Variants in PFKL observed in about 807,000 individuals in gnomAD.
PFKL encodes phosphofructokinase, liver type.
A neutral mutation model predicts 92.1 loss-of-function variants in PFKL; 74 were observed. The observed-to-expected ratio is 0.80, with a 90% CI of 0.67 to 0.97. The LOEUF is 0.97. Ranked by LOEUF, PFKL falls within the 50% of genes least tolerant of loss-of-function variation. The pLI, the probability that PFKL is intolerant of heterozygous loss-of-function variation, is 0.00. For synonymous variants in PFKL, 494 were observed against 456.4 expected, an observed-to-expected ratio of 1.08 and a Z score of -1.05; for missense variants, 1,028 against 1,116.6, an observed-to-expected ratio of 0.92 and a Z score of 1.13.
intron 1 of PFKL, chr21:44,305,172 C>T (rs55730776): frequency 0.34 from 378,403 of 1,122,828 alleles, 66,057 homozygotes; most frequent in East Asian, 0.59. Flanking sequence ...TCTGGGATCT[C>T]ATTGGATTCC....
In PFKL at chr21:44,324,649, C is replaced by T; in HGVS notation, c.1809C>T (p.Asp603=). 6.3e-7 allele frequency: 1 copy of T among 1,588,848 alleles called. No individual in the cohort carries two copies. Among genetic ancestry groups the T allele is most frequent in the Non-Finnish European group, 8.6e-7 (1 of 1,165,878 alleles). The change falls in exon 17 of 22, where the codon GAC becomes GAT. Residue 603 remains aspartate, a synonymous_variant. Coordinates refer to ENST00000349048, the MANE Select transcript of PFKL (RefSeq NM_002626.6). ...YVFEDPFNIH[D]LKVNVEHMTE... is the part of the protein sequence containing the mutation. ...TCGAGGACCCTTTCAACATCCACGA[C>T]TTAAAGGTGAGCCCAGCCCAGCCCC...
intron 9 of PFKL, among the ~76,000 whole-genome samples, chr21:44,317,923 T>C (rs945090144): frequency 1.3e-5 from 2 of 152,258 alleles, no homozygotes; most frequent in Admixed American, 6.5e-5. Context: ...TCTACAGGGC[T>C]GGCCACTGGT....
intron 1 of PFKL, among the ~76,000 whole-genome samples, chr21:44,305,627 C>T (rs887030612): frequency 6.6e-6 from 1 of 152,176 alleles, no homozygotes; most frequent in Admixed American, 6.5e-5. Context: ...CAGAAGGGGA[C>T]CCTGGCCGCT....
intron 19 of PFKL, chr21:44,325,704 G>A (rs934460503): frequency 5.6e-6 from 3 of 535,886 alleles, no homozygotes; most frequent in Non-Finnish European, 1.0e-5. Context: ...TGCCGATGCA[G>A]GGCCCAGGAG....
chr21:44,304,248 A>G (rs1285053578), intron 1 of PFKL: 1 of 1,289,106 alleles, frequency 7.8e-7, no homozygotes, highest in Admixed American at 2.3e-5. Context: ...CTGACCCCTG[A>G]TCCTGGGGCC....
At chr21:44,305,051 T>C in intron 1 of PFKL, 1 of 348,294 alleles carries the variant, frequency 2.9e-6, no homozygotes, top group Non-Finnish European at 5.6e-6. Flanking sequence ...CCCTGTTGGA[T>C]CCCCTGGCTG....
At position 44,306,346 on chromosome 21, in the gene PFKL, G is replaced by A. The variant is rs538276447; in HGVS notation, c.86-335G>A. Among the ~76,000 whole-genome samples the A allele has an allele frequency of 3.9e-5, 6 of 152,284 alleles. No individual in the cohort carries two copies. The South Asian group carries it at 6.2e-4, about 16-fold the overall frequency. On this transcript the variant is annotated intron_variant, in intron 1 of 21. Transcript: ENST00000349048. ...TCTGGGCACCATACTCCAGGTGCTC[G>A]GAAGCTGAAGCCTAGAGCCTGCTGG... is the stretch of plus-strand genomic sequence containing the variant.
intron 1 of PFKL, chr21:44,305,653 C>T (rs1209304906): frequency 1.4e-5 from 12 of 875,572 alleles, no homozygotes; most frequent in Non-Finnish European, 1.7e-5. Flanking sequence ...GGGTTTCCTC[C>T]TCTCTGAAGA....
chr21:44,325,677 G>A (rs1017947727), intron 19 of PFKL: 63 of 518,544 alleles, frequency 1.2e-4, no homozygotes, highest in East Asian at 1.0e-3. Flanking sequence ...GATGGGGCCC[G>A]AGGTGGGGCC....
In PFKL at chr21:44,321,762, GC is replaced by G; in HGVS notation, c.1229del (p.Pro410ArgfsTer5). ...NFSLAILNVGAPAAGMNAAVR... is the reference protein window; with the variant it reads ...NFSLAILNVGXPAAGMNAAVR... Reference sequence around the variant, plus strand: ...CTCCCTGGCCATCCTGAATGTGGGGGCCCCGGCGGCTGGCATGAATGCGGCC... The same window carrying G: ...CTCCCTGGCCATCCTGAATGTGGGGGCCCGGCGGCTGGCATGAATGCGGCC... On this transcript the variant is annotated frameshift_variant, in exon 13 of 22. Coordinates refer to ENST00000349048, the MANE Select transcript of PFKL (RefSeq NM_002626.6). LOFTEE classifies it high-confidence loss of function. 4 of 1,592,364 alleles carry G rather than the reference GC, an allele frequency of 2.5e-6. No individual in the cohort carries two copies. The highest frequency in any genetic ancestry group is 1.8e-5 in the Admixed American group (1 of 56,166).
chr21:44,301,495 G>A (rs2040774154), intron 1 of PFKL, among the ~76,000 whole-genome samples: 1 of 152,214 alleles, frequency 6.6e-6, no homozygotes. Flanking sequence ...AATAACCTGT[G>A]CAAAGGTAGC....
chr21:44,315,424 G>C (rs1254674305), intron 7 of PFKL: 1 of 152,456 alleles, frequency 6.6e-6, no homozygotes, highest in Non-Finnish European at 1.5e-5. Context: ...CCCATCTTCC[G>C]GGTGTCTGAC....
At chr21:44,313,715 C>T (rs2047120860) in intron 6 of PFKL, 33 bp downstream of exon 6, 4 of 1,598,434 alleles carry the variant, frequency 2.5e-6, no homozygotes, top group South Asian at 1.1e-5. Context: ...GCTGGGTGGC[C>T]CGGGTGCTGC....
intron 1 of PFKL, among the ~76,000 whole-genome samples, chr21:44,300,724 T>C (rs1568936879): frequency 7.7e-6 from 1 of 130,626 alleles, no homozygotes; most frequent in South Asian, 2.3e-4. Flanking sequence ...GGTGGGGAGA[T>C]GGGCTGCCCG....
At chr21:44,323,448 G>A (rs968298695) in intron 15 of PFKL, among the ~76,000 whole-genome samples, 6 of 152,162 alleles carry the variant, frequency 3.9e-5, no homozygotes, top group African/African-American at 1.2e-4. Flanking sequence ...TCCTGGCACT[G>A]GGCAAGCTGT....
At chr21:44,307,015 C>T (rs1320268573) in intron 2 of PFKL, among the ~76,000 whole-genome samples, 1 of 152,170 alleles carries the variant, frequency 6.6e-6, no homozygotes, top group East Asian at 1.9e-4. Flanking sequence ...AGGGAAGGAG[C>T]TGGGTGGACA....
intron 6 of PFKL, 54 bp from the exon 7 acceptor site, chr21:44,313,859 C>T: frequency 1.4e-6 from 2 of 1,434,760 alleles, no homozygotes; most frequent in Non-Finnish European, 1.9e-6. Context: ...TACAGGGAAG[C>T]TCCCCTCAAC....
intron 9 of PFKL, among the ~76,000 whole-genome samples, chr21:44,317,945 G>T (rs1313598210): frequency 6.6e-6 from 1 of 152,262 alleles, no homozygotes; most frequent in Admixed American, 6.5e-5. Context: ...GTCATGGGAC[G>T]GCCACGGCAA....
At chr21:44,304,235 TTGC>T in intron 1 of PFKL, 1 of 1,289,110 alleles carries the variant, frequency 7.8e-7, no homozygotes, top group Non-Finnish European at 1.0e-6. Flanking sequence ...AGGGGTACCC[TTGC>T]TGACCCCTGA....
Sources: allele counts gnomAD v4.1 joint callset (sites outside exome capture counted in the v4.1 genomes callset), GRCh38; gene constraint gnomAD v4.1.1; transcripts MANE v1.5; gene names NCBI Gene and HGNC (gene_info 2026-07-23, HGNC 2026-07-21).